The following ZFAT variants were observed in gnomAD, a reference collection of about 807,000 sequenced individuals.
ZFAT encodes zinc finger protein ZFAT.
ZFAT carries 64 observed loss-of-function variants against 117.7 expected under a neutral mutation model. The ratio of observed to expected loss-of-function variants is 0.54; its 90% CI spans 0.44 to 0.67. The LOEUF is 0.67. Ranked by LOEUF, ZFAT falls within the 30% of genes least tolerant of loss-of-function variation. The pLI is 0.00. For missense variants in ZFAT, 1,433 were observed against 1,584.5 expected (o/e 0.90, Z 1.62); for synonymous variants, 679 against 615.0 (o/e 1.10, Z -1.54).
intron 1 of ZFAT, among the ~76,000 whole-genome samples, chr8:134,703,154 T>G (rs1203486115): frequency 6.6e-6 from 1 of 152,234 alleles, no homozygotes; most frequent in Admixed American, 6.5e-5. Context: ...TTCACATCCT[T>G]ATCAGCACTT....
chr8:134,666,166 G>A (rs1370176432), intron 1 of ZFAT, among the ~76,000 whole-genome samples: 1 of 152,158 alleles, frequency 6.6e-6, no homozygotes, highest in African/African-American at 2.4e-5. Context: ...ATCAGCAGCA[G>A]AGGCCCAGTT....
intron 7 of ZFAT, 36 bp from the exon 8 acceptor site, chr8:134,590,391 C>T (rs1291195396): frequency 6.5e-7 from 1 of 1,538,076 alleles, no homozygotes; most frequent in Non-Finnish European, 9.0e-7. Flanking sequence ...TTGACTTTCT[C>T]ATTTAAATCT....
chr8:134,816,800 G>C, the ZFAT span, among the ~76,000 whole-genome samples: 1 of 152,000 alleles, frequency 6.6e-6, no homozygotes, highest in Non-Finnish European at 1.5e-5. Flanking sequence ...GGCCAATATG[G>C]TGGAACCCAG....
the ZFAT span, among the ~76,000 whole-genome samples, chr8:134,753,189 A>G: frequency 2.0e-5 from 3 of 152,188 alleles, no homozygotes; most frequent in Non-Finnish European, 2.9e-5. Context: ...CTACAGAGTG[A>G]GTCCCTGTCT....
Position 134,610,620 on chromosome 8 carries a change from T to G in ZFAT, c.484A>C (p.Lys162Gln). Reference sequence around the variant, plus strand: ...GAGGCTTTTTCCCGATCATCTTCCTTACACTTCTTTTCTAGTTCAAGGTCA... The same window carrying G: ...GAGGCTTTTTCCCGATCATCTTCCTGACACTTCTTTTCTAGTTCAAGGTCA... ...ESDLELEKKCKEDDREKASKR... is the reference protein window; with the variant it reads ...ESDLELEKKCQEDDREKASKR... The change falls in exon 4 of 16, where the codon AAG becomes CAG. Residue 162 changes from lysine to glutamine, a missense_variant. Lys to Gln is a moderately conservative substitution (Grantham distance 53). This residue lies in a region of ZFAT where 436 missense variants were observed against 482.0 expected (regional missense o/e 0.90). Coordinates refer to ENST00000377838, the MANE Select transcript of ZFAT (RefSeq NM_020863.4). 1 of 1,614,192 alleles carries G rather than the reference T, an allele frequency of 6.2e-7. No individual in the cohort carries two copies. Among genetic ancestry groups the G allele is most frequent in the Non-Finnish European group, 8.5e-7 (1 of 1,180,038 alleles).
At chr8:134,531,438 A>T (rs1821394678) in intron 12 of ZFAT, among the ~76,000 whole-genome samples, 1 of 152,224 alleles carries the variant, frequency 6.6e-6, no homozygotes, top group African/African-American at 2.4e-5. Context: ...CGATGGCTCC[A>T]CAATTCCTAG....
intron 12 of ZFAT, among the ~76,000 whole-genome samples, chr8:134,529,702 G>A (rs1434503740): frequency 6.6e-6 from 1 of 152,194 alleles, no homozygotes; most frequent in Admixed American, 6.5e-5. Context: ...AAGCTCATAA[G>A]CCAAATGTGC....
At chr8:134,516,619 G>A (rs1185701383) in intron 13 of ZFAT, among the ~76,000 whole-genome samples, 1 of 152,126 alleles carries the variant, frequency 6.6e-6, no homozygotes, top group Non-Finnish European at 1.5e-5. Flanking sequence ...AAGATTGCTT[G>A]AGGCCAGGAG....
chr8:134,826,171 A>C, the ZFAT span, among the ~76,000 whole-genome samples: 1 of 152,218 alleles, frequency 6.6e-6, no homozygotes, highest in African/African-American at 2.4e-5. Context: ...ATTTGCAAAA[A>C]ATAGCAAACG....
At chr8:134,599,944 A>T in intron 7 of ZFAT, 1 of 385,900 alleles carries the variant, frequency 2.6e-6, no homozygotes. Flanking sequence ...CTTCAAAGAC[A>T]TTCTCTCCCA....
intron 10 of ZFAT, among the ~76,000 whole-genome samples, chr8:134,575,440 T>C (rs894379820): frequency 1.3e-5 from 2 of 152,094 alleles, no homozygotes; most frequent in African/African-American, 4.8e-5. Flanking sequence ...AAGGAAAAGG[T>C]CCATAAGCCA....
chr8:134,763,657 C>T, the ZFAT span, among the ~76,000 whole-genome samples: 39 of 152,304 alleles, frequency 2.6e-4, no homozygotes, highest in African/African-American at 7.5e-4. Context: ...ATTATATCCT[C>T]GTGCCTAGAA....
the ZFAT span, among the ~76,000 whole-genome samples, chr8:134,816,985 A>G: frequency 4.6e-5 from 7 of 151,946 alleles, no homozygotes; most frequent in Admixed American, 4.6e-4. Flanking sequence ...CATCTCAAAA[A>G]AAAAAAAAAA....
chr8:134,497,238 G>A (rs962977589), intron 15 of ZFAT, among the ~76,000 whole-genome samples: 3 of 152,254 alleles, frequency 2.0e-5, no homozygotes, highest in Admixed American at 2.0e-4. Flanking sequence ...AGTAAGGGTT[G>A]CTGTGATGTA....
In ZFAT at chr8:134,603,234, A is replaced by G. The variant is rs566952369; in HGVS notation, c.786-301T>C. Among the ~76,000 whole-genome samples the G allele has an allele frequency of 1.1e-4, 16 of 152,324 alleles. 1 individual carries two copies. The Middle Eastern group carries it at 0.01, about 97-fold the overall frequency. On this transcript the variant is annotated intron_variant, in intron 5 of 15. Coordinates refer to ENST00000377838, the MANE Select transcript of ZFAT (RefSeq NM_020863.4). The stretch of plus-strand genomic sequence containing the variant: ...AGGAAAGAGACCTCTAACCTGGATT[A>G]GGATAGCTGAGAAAACTTGAGGAAG...
In ZFAT at chr8:134,531,571, A is replaced by T. The variant is rs539120094; in HGVS notation, c.3115+1263T>A. Among the ~76,000 whole-genome samples the T allele has an allele frequency of 6.6e-5, 10 of 152,360 alleles. No individual in the cohort carries two copies. The East Asian group carries it at 1.9e-3, about 29-fold the overall frequency. On this transcript the variant is annotated intron_variant, in intron 12 of 15. Transcript: ENST00000377838. ...TGTGAACTCCATTCTACAGGTGAAG[A>T]GCCTAAGAGGGAGAGCTTGGGTAAC...
the ZFAT span, among the ~76,000 whole-genome samples, chr8:134,742,629 T>C: frequency 0.012 from 1,815 of 152,336 alleles, 41 homozygotes; most frequent in African/African-American, 0.042. Context: ...CTCGGCTCTC[T>C]GCTACCACGC....
chr8:134,571,696 C>T (rs1476670915), intron 10 of ZFAT, among the ~76,000 whole-genome samples: 2 of 152,216 alleles, frequency 1.3e-5, no homozygotes, highest in African/African-American at 4.8e-5. Context: ...TGAACCAAAG[C>T]TACAAATGCT....
chr8:134,596,265 AT>A (rs1488741620), intron 7 of ZFAT, among the ~76,000 whole-genome samples: 1 of 152,180 alleles, frequency 6.6e-6, no homozygotes, highest in Non-Finnish European at 1.5e-5. Flanking sequence ...GCAGGGAAGT[AT>A]TTTTCACTCC....
Sources: allele counts gnomAD v4.1 joint callset (sites outside exome capture counted in the v4.1 genomes callset), GRCh38; gene constraint gnomAD v4.1.1; regional missense constraint gnomAD v4.1.1; transcripts MANE v1.5; gene names NCBI Gene and HGNC (gene_info 2026-07-23, HGNC 2026-07-21).